TBC1D19: variants seen among roughly 807,000 people sequenced by gnomAD.
TBC1D19 encodes the protein TBC1 domain family, member 19.
In TBC1D19, 60 loss-of-function variants were observed where a neutral mutation model predicts 89.0. The ratio of observed to expected loss-of-function variants is 0.67; its 90% CI spans 0.55 to 0.84. The LOEUF is 0.84. Ranked by LOEUF, TBC1D19 falls within the 40% of genes least tolerant of loss-of-function variation. The pLI is 0.00. For missense variants in TBC1D19, 500 were observed against 610.8 expected (o/e 0.82, Z 1.91); for synonymous variants, 189 against 199.7 (o/e 0.95, Z 0.45).
At chr4:26,846,570 T>C in the TBC1D19 span, among the ~76,000 whole-genome samples, 1 of 152,210 alleles carries the variant, frequency 6.6e-6, no homozygotes, top group African/African-American at 2.4e-5. Flanking sequence ...CTTTTTGATA[T>C]GGATAATGTT....
intron 13 of TBC1D19, among the ~76,000 whole-genome samples, chr4:26,697,969 T>C (rs1714958381): frequency 6.6e-6 from 1 of 152,110 alleles, no homozygotes; most frequent in Non-Finnish European, 1.5e-5. Context: ...GGATGCCCTC[T>C]CTCACCACTC....
the TBC1D19 span, among the ~76,000 whole-genome samples, chr4:26,786,796 G>GATGT: frequency 8.1e-3 from 1,199 of 147,886 alleles, 13 homozygotes; most frequent in South Asian, 0.019. Flanking sequence ...TGGATGGATG[G>GATGT]GTGGGTGGAA....
At chr4:26,829,272 T>G in the TBC1D19 span, among the ~76,000 whole-genome samples, 1 of 152,224 alleles carries the variant, frequency 6.6e-6, no homozygotes, top group African/African-American at 2.4e-5. Context: ...CCCTCCTGAG[T>G]CTCTGTTCTC....
the TBC1D19 span, among the ~76,000 whole-genome samples, chr4:26,782,829 G>T: frequency 6.7e-6 from 1 of 148,960 alleles, no homozygotes; most frequent in Non-Finnish European, 1.5e-5. Flanking sequence ...AGTTTTCCTT[G>T]AGAAAAAAAA....
intron 11 of TBC1D19, among the ~76,000 whole-genome samples, chr4:26,675,073 T>G (rs1052120930): frequency 1.3e-5 from 2 of 152,058 alleles, no homozygotes; most frequent in African/African-American, 4.8e-5. Flanking sequence ...ATTGTGACAC[T>G]TTAGAGAAAA....
At chr4:26,636,745 C>T (rs1743158174) in intron 4 of TBC1D19, among the ~76,000 whole-genome samples, 1 of 151,922 alleles carries the variant, frequency 6.6e-6, no homozygotes, top group African/African-American at 2.4e-5. Context: ...TAAGAATATG[C>T]ATGCTGATGT....
At chr4:26,809,364 C>T in the TBC1D19 span, among the ~76,000 whole-genome samples, 2 of 152,156 alleles carry the variant, frequency 1.3e-5, no homozygotes, top group Admixed American at 6.5e-5. Flanking sequence ...TTTCTGCCTT[C>T]GGTTCCTGCC....
At chr4:26,799,998 C>CT in the TBC1D19 span, among the ~76,000 whole-genome samples, 5 of 151,962 alleles carry the variant, frequency 3.3e-5, no homozygotes, top group African/African-American at 1.2e-4. Context: ...ATTTACATTT[C>CT]TTTTTTTAAA....
chr4:26,778,760 C>T, the TBC1D19 span, among the ~76,000 whole-genome samples: 2 of 152,148 alleles, frequency 1.3e-5, no homozygotes, highest in African/African-American at 4.8e-5. Flanking sequence ...TGCTCCAGTC[C>T]TACTGAATGA....
intron 20 of TBC1D19, 114 bp from the exon 21 acceptor site, chr4:26,754,759 A>T (rs1243740816): frequency 1.3e-6 from 1 of 780,116 alleles, no homozygotes; most frequent in African/African-American, 1.8e-5. Context: ...TAGTATTAAG[A>T]TTTAGGACAA....
At chr4:26,784,297 CA>C in the TBC1D19 span, among the ~76,000 whole-genome samples, 1 of 152,126 alleles carries the variant, frequency 6.6e-6, no homozygotes, top group East Asian at 1.9e-4. Context: ...GGGCTTCTTC[CA>C]ATTGAGTCTC....
the TBC1D19 span, among the ~76,000 whole-genome samples, chr4:26,781,469 G>A: frequency 2.0e-5 from 3 of 152,136 alleles, no homozygotes; most frequent in South Asian, 2.1e-4. Flanking sequence ...CTCTCTTTTC[G>A]CCACCCCAAT....
intron 5 of TBC1D19, among the ~76,000 whole-genome samples, chr4:26,638,218 G>A (rs1743257468): frequency 6.6e-6 from 1 of 151,740 alleles, no homozygotes; most frequent in Non-Finnish European, 1.5e-5. Flanking sequence ...CTCCCTACCT[G>A]CTATTTATTC....
chr4:26,796,988 C>T, the TBC1D19 span, among the ~76,000 whole-genome samples: 1 of 151,886 alleles, frequency 6.6e-6, no homozygotes, highest in African/African-American at 2.4e-5. Context: ...ATAAATTATA[C>T]CTCAAAAAAG....
intron 13 of TBC1D19, among the ~76,000 whole-genome samples, chr4:26,694,927 A>G (rs1714630825): frequency 6.6e-6 from 1 of 152,180 alleles, no homozygotes; most frequent in Non-Finnish European, 1.5e-5. Context: ...GGTAGATAAA[A>G]CCACAAAGAT....
intron 7 of TBC1D19, among the ~76,000 whole-genome samples, chr4:26,655,826 A>C (rs1744761630): frequency 6.6e-6 from 1 of 152,218 alleles, no homozygotes; most frequent in Admixed American, 6.5e-5. Flanking sequence ...TTCCTGCGTG[A>C]GGCAATGCCT....
chr4:26,684,839 T>C (rs191304719), intron 12 of TBC1D19, among the ~76,000 whole-genome samples: 1 of 152,314 alleles, frequency 6.6e-6, no homozygotes, highest in East Asian at 1.9e-4. Flanking sequence ...CTGTGCCATA[T>C]AGTATTCCAA....
chr4:26,645,905 C>T (rs1408583918), intron 7 of TBC1D19, among the ~76,000 whole-genome samples: 12 of 151,844 alleles, frequency 7.9e-5, no homozygotes, highest in Non-Finnish European at 1.0e-4. Flanking sequence ...GGGCGGATCA[C>T]GAGGTCAGGA....
intron 13 of TBC1D19, among the ~76,000 whole-genome samples, chr4:26,705,080 G>A (rs1275723780): frequency 6.6e-6 from 1 of 151,812 alleles, no homozygotes; most frequent in Non-Finnish European, 1.5e-5. Context: ...GGAAAAAAAT[G>A]TCTATTGAAG....
Sources: allele counts gnomAD v4.1 joint callset (sites outside exome capture counted in the v4.1 genomes callset), GRCh38; gene constraint gnomAD v4.1.1; transcripts MANE v1.5; gene names NCBI Gene and HGNC (gene_info 2026-07-23, HGNC 2026-07-21).